NMNAT3: variants seen among roughly 807,000 people sequenced by gnomAD.
The protein encoded by NMNAT3 is nicotinamide nucleotide adenylyltransferase 3, also known as nicotinamide/nicotinic acid mononucleotide adenylyltransferase 3.
A neutral mutation model predicts 24.8 loss-of-function variants in NMNAT3; 21 were observed. The ratio of observed to expected loss-of-function variants is 0.85; its 90% CI spans 0.60 to 1.22. The LOEUF (loss-of-function observed/expected upper bound fraction) is 1.22, where lower values mean the gene tolerates loss of function less well. Ranked by LOEUF, NMNAT3 falls within the 50% of genes most tolerant of loss-of-function variation. The pLI is 0.00. For synonymous variants in NMNAT3, 136 were observed against 155.2 expected, an observed-to-expected ratio of 0.88 and a Z score of 0.92; for missense variants, 387 against 436.6, an observed-to-expected ratio of 0.89 and a Z score of 1.01.
At chr3:139,590,762 T>A (rs992697997) in intron 3 of NMNAT3, among the ~76,000 whole-genome samples, 2 of 152,194 alleles carry the variant, frequency 1.3e-5, no homozygotes, top group Admixed American at 1.3e-4. Context: ...ATCTAAGATG[T>A]TAATATGGTT....
At chr3:139,561,574 TG>T (rs1405791402) in intron 6 of NMNAT3, among the ~76,000 whole-genome samples, 182 bp from the exon 7 acceptor site, 1 of 152,238 alleles carries the variant, frequency 6.6e-6, no homozygotes, top group Non-Finnish European at 1.5e-5. Flanking sequence ...GGAATACAGT[TG>T]TAAGTAATGA....
At chr3:139,649,251 T>C (rs2056974313) in intron 1 of NMNAT3, among the ~76,000 whole-genome samples, 1 of 152,104 alleles carries the variant, frequency 6.6e-6, no homozygotes, top group African/African-American at 2.4e-5. Context: ...CAGGAGATGG[T>C]CTTTAAAGAT....
intron 1 of NMNAT3, among the ~76,000 whole-genome samples, chr3:139,641,715 A>G (rs1448883094): frequency 6.6e-6 from 1 of 152,222 alleles, no homozygotes; most frequent in African/African-American, 2.4e-5. Flanking sequence ...AATAATTTAC[A>G]TATAAAATAA....
chr3:139,660,834 A>T (rs2057391560), intron 1 of NMNAT3, among the ~76,000 whole-genome samples: 1 of 27,770 alleles, frequency 3.6e-5, no homozygotes, highest in Non-Finnish European at 5.9e-5. Flanking sequence ...AGGGGAGATA[A>T]AAAAAATCTG....
chr3:139,573,755 T>G, intron 5 of NMNAT3, 75 bp from the exon 6 acceptor site: 9 of 763,562 alleles, frequency 1.2e-5, no homozygotes, highest in Non-Finnish European at 1.9e-5. Context: ...TTTCAGATTT[T>G]GTCTCAGCCT....
At chr3:139,579,836 A>T (rs450523) in intron 4 of NMNAT3, among the ~76,000 whole-genome samples, 1 of 152,132 alleles carries the variant, frequency 6.6e-6, no homozygotes, top group East Asian at 1.9e-4. Flanking sequence ...ATAAATGAAC[A>T]TTGAATTTTA....
At position 139,561,081 on chromosome 3, in the gene NMNAT3, G is replaced by C; in HGVS notation, c.970C>G (p.His324Asp). 1.9e-6 allele frequency: 3 copies of C among 1,614,032 alleles called. No homozygotes were observed. The highest frequency in any genetic ancestry group is 1.1e-5 in the South Asian group (1 of 91,064). The change falls in exon 7 of 7, where the codon CAT becomes GAT. Residue 324 changes from histidine to aspartate, a missense_variant. By Grantham distance (81) the His-to-Asp change is moderately conservative (BLOSUM62 -1). Coordinates refer to ENST00000643695, the MANE Select transcript of NMNAT3 (RefSeq NM_001320510.2). ...GTACTGCCCTTGGTGTAGAGGCCAT[G>C]GTCCTTGATGTACGTGATGACAGCA...
intron 6 of NMNAT3, among the ~76,000 whole-genome samples, chr3:139,562,712 A>G (rs1240351443): frequency 2.0e-5 from 3 of 152,342 alleles, no homozygotes; most frequent in African/African-American, 4.8e-5. Flanking sequence ...GAGAAGTCTG[A>G]GTCCTGGCCT....
At chr3:139,628,674 C>A (rs1386939334) in intron 2 of NMNAT3, among the ~76,000 whole-genome samples, 1 of 152,190 alleles carries the variant, frequency 6.6e-6, no homozygotes, top group Non-Finnish European at 1.5e-5. Flanking sequence ...GCAGACACGG[C>A]TCTCTTGCCT....
chr3:139,658,600 A>C (rs2057318777), intron 1 of NMNAT3, among the ~76,000 whole-genome samples: 1 of 152,240 alleles, frequency 6.6e-6, no homozygotes, highest in African/African-American at 2.4e-5. Flanking sequence ...CCTAGATTCT[A>C]CCATTAATTT....
chr3:139,648,571 T>C (rs1254188110), intron 1 of NMNAT3, among the ~76,000 whole-genome samples: 2 of 152,232 alleles, frequency 1.3e-5, no homozygotes, highest in East Asian at 3.9e-4. Flanking sequence ...TTTCTATAAA[T>C]TAACCTCATA....
intron 3 of NMNAT3, among the ~76,000 whole-genome samples, chr3:139,627,127 A>G (rs561165600): frequency 1.6e-4 from 25 of 152,312 alleles, no homozygotes; most frequent in African/African-American, 5.1e-4. Context: ...AAGTCATGCC[A>G]TCTGTATTGG....
chr3:139,618,301 GCA>G (rs2055603473), intron 3 of NMNAT3, among the ~76,000 whole-genome samples: 1 of 152,194 alleles, frequency 6.6e-6, no homozygotes, highest in Admixed American at 6.5e-5. Context: ...TTTATATAAT[GCA>G]CACTTTTTTC....
chr3:139,607,578 T>C (rs74954648), intron 3 of NMNAT3, among the ~76,000 whole-genome samples: 2,653 of 152,316 alleles, frequency 0.017, 41 homozygotes, highest in Non-Finnish European at 0.028. Flanking sequence ...TGTATTCATT[T>C]GTAATAGAGC....
At chr3:139,670,471 T>C (rs2057721685) in intron 1 of NMNAT3, among the ~76,000 whole-genome samples, 1 of 152,216 alleles carries the variant, frequency 6.6e-6, no homozygotes, top group South Asian at 2.1e-4. Flanking sequence ...CCCGGCTAAT[T>C]TCCCTACCTT....
At chr3:139,586,995 G>T (rs531888090) in intron 3 of NMNAT3, among the ~76,000 whole-genome samples, 12 of 152,186 alleles carry the variant, frequency 7.9e-5, no homozygotes, top group Admixed American at 3.9e-4. Flanking sequence ...GGTTTGGGAG[G>T]GCATAGTTAA....
intron 4 of NMNAT3, among the ~76,000 whole-genome samples, chr3:139,582,180 G>C (rs2053653720): frequency 1.1e-5 from 1 of 93,092 alleles, no homozygotes; most frequent in African/African-American, 4.3e-5. Context: ...AACAGAGCAA[G>C]ACTCCCTCTC....
chr3:139,628,972 A>G (rs1381636712), intron 2 of NMNAT3, among the ~76,000 whole-genome samples: 1 of 152,174 alleles, frequency 6.6e-6, no homozygotes, highest in Non-Finnish European at 1.5e-5. Context: ...CAGGAGGAGA[A>G]AGGAGATGGT....
chr3:139,575,743 G>A (rs2108072159), intron 5 of NMNAT3: 1 of 1,099,942 alleles, frequency 9.1e-7, no homozygotes, highest in Non-Finnish European at 1.1e-6. Context: ...GCCTGCCTGA[G>A]TGGTACCTTG....
Sources: gnomAD v4.1 joint callset for allele counts (sites outside exome capture counted in the v4.1 genomes callset) on GRCh38, gnomAD v4.1.1 for gene constraint, MANE v1.5 for transcripts, NCBI Gene and HGNC (gene_info 2026-07-23, HGNC 2026-07-21) for gene names.